ARSG: variants seen among roughly 807,000 people sequenced by gnomAD.
The protein encoded by ARSG is arylsulfatase G, also known as ASG.
Under a neutral mutation model 50.5 loss-of-function variants are expected in ARSG, and 37 were observed. The observed-to-expected ratio is 0.73, with a 90% CI of 0.56 to 0.96. The LOEUF is 0.96. Ranked by LOEUF, ARSG falls within the 50% of genes least tolerant of loss-of-function variation. The pLI is 0.00. For synonymous variants in ARSG, 225 were observed against 254.6 expected (o/e 0.88, Z 1.11); for missense variants, 629 against 675.3 (o/e 0.93, Z 0.76).
chr17:68,358,524 A>G (rs1199315044), intron 6 of ARSG, among the ~76,000 whole-genome samples: 3 of 151,994 alleles, frequency 2.0e-5, no homozygotes, highest in Non-Finnish European at 1.5e-5. Context: ...CCCTGTGTCT[A>G]CTAAAAATAC....
intron 2 of ARSG, among the ~76,000 whole-genome samples, chr17:68,308,626 G>A (rs964854744): frequency 2.0e-5 from 3 of 152,214 alleles, no homozygotes; most frequent in Non-Finnish European, 4.4e-5. Context: ...GACCTGAGCG[G>A]GTTGCCACTG....
intron 1 of ARSG, among the ~76,000 whole-genome samples, chr17:68,299,060 C>T (rs1352279410): frequency 1.3e-5 from 2 of 150,842 alleles, no homozygotes; most frequent in African/African-American, 4.9e-5. Context: ...GAGAAAGTTT[C>T]CTATTCTCAT....
At chr17:68,369,472 G>A (rs969919167) in intron 7 of ARSG, among the ~76,000 whole-genome samples, 3 of 152,058 alleles carry the variant, frequency 2.0e-5, no homozygotes, top group Non-Finnish European at 4.4e-5. Flanking sequence ...CCTGGGAGGC[G>A]GAGGTTGCAG....
chr17:68,263,014 C>T (rs556173246), intron 1 of ARSG, among the ~76,000 whole-genome samples: 16 of 152,216 alleles, frequency 1.1e-4, no homozygotes, highest in Non-Finnish European at 2.2e-4. Flanking sequence ...CGTGCTTGTT[C>T]TTGAGTTGCT....
chr17:68,326,250 C>G (rs971475090), intron 2 of ARSG, among the ~76,000 whole-genome samples: 3 of 152,162 alleles, frequency 2.0e-5, no homozygotes, highest in Non-Finnish European at 4.4e-5. Flanking sequence ...CCCCAGGAGG[C>G]GAAATGAGAG....
At chr17:68,429,893 G>A in the ARSG span, 1 of 1,552,072 alleles carries the variant, frequency 6.4e-7, no homozygotes, top group East Asian at 2.3e-5. Context: ...CCAGCCTGGG[G>A]CAAGTTTTCT....
intron 2 of ARSG, among the ~76,000 whole-genome samples, chr17:68,329,071 A>G (rs1273799127): frequency 7.2e-5 from 11 of 152,218 alleles, no homozygotes; most frequent in Non-Finnish European, 1.2e-4. Context: ...ACAAACTCGA[A>G]CAGTGCTGCT....
At chr17:68,327,715 C>T (rs1285544850) in intron 2 of ARSG, among the ~76,000 whole-genome samples, 2 of 152,182 alleles carry the variant, frequency 1.3e-5, no homozygotes, top group African/African-American at 2.4e-5. Context: ...AGGACTTCAA[C>T]ATATCTTTTG....
intron 1 of ARSG, among the ~76,000 whole-genome samples, chr17:68,284,703 C>T (rs1467708025): frequency 6.6e-6 from 1 of 152,166 alleles, no homozygotes; most frequent in Non-Finnish European, 1.5e-5. Context: ...TATCATTCAT[C>T]CTACTGATAG....
At chr17:68,324,591 A>G (rs1405085546) in intron 2 of ARSG, among the ~76,000 whole-genome samples, 6 of 152,146 alleles carry the variant, frequency 3.9e-5, no homozygotes, top group African/African-American at 1.2e-4. Flanking sequence ...AGTCTTCAAT[A>G]TGGCACCGTG....
intron 2 of ARSG, among the ~76,000 whole-genome samples, chr17:68,325,969 C>T (rs2077486752): frequency 6.6e-6 from 1 of 152,148 alleles, no homozygotes; most frequent in Non-Finnish European, 1.5e-5. Flanking sequence ...TGGGACATTA[C>T]ATGGGAAACT....
rs542026069 is a variant in ARSG at position 68,356,112 on chromosome 17, C to T, written c.567-555C>T. 4.1e-3 allele frequency among the ~76,000 whole-genome samples: 632 copies of T among 152,318 alleles called. 4 individuals are homozygous for T. Among genetic ancestry groups the T allele is most frequent in the Non-Finnish European group, 6.9e-3 (471 of 68,036 alleles). On this transcript the variant is annotated intron_variant, in intron 5 of 11. Transcript: ENST00000621439. ...GGCCAGGCTGGTCTCGAACTCCTGA[C>T]CTCAAGTGATCTGCTGGCCTCGGTC...
chr17:68,352,120 G>A (rs1599841080), intron 5 of ARSG, among the ~76,000 whole-genome samples: 2 of 38,110 alleles, frequency 5.2e-5, no homozygotes, highest in East Asian at 3.6e-4. Flanking sequence ...AGAGACAGAG[G>A]AGAGAGAGAG....
downstream of ARSG, among the ~76,000 whole-genome samples, chr17:68,425,308 A>G (rs1455533566): frequency 6.6e-6 from 1 of 151,456 alleles, no homozygotes; most frequent in East Asian, 1.9e-4. Flanking sequence ...GGCTCAGGTG[A>G]TCCTCCCATC....
At chr17:68,433,652 A>G in the ARSG span, 2 of 1,221,164 alleles carry the variant, frequency 1.6e-6, no homozygotes, top group East Asian at 2.6e-5. Context: ...GATCAGCTTT[A>G]TAAGAAAATC....
intron 1 of ARSG, among the ~76,000 whole-genome samples, chr17:68,263,425 A>T (rs1469033145): frequency 1.3e-5 from 2 of 152,246 alleles, no homozygotes; most frequent in Non-Finnish European, 2.9e-5. Flanking sequence ...TGCGTGTAAC[A>T]TGTCTGAATT....
At chr17:68,344,392 T>C (rs966901616) in intron 3 of ARSG, among the ~76,000 whole-genome samples, 3 of 152,372 alleles carry the variant, frequency 2.0e-5, no homozygotes, top group African/African-American at 7.2e-5. Flanking sequence ...GCAGGATACA[T>C]GGGGACATGG....
At chr17:68,355,250 GC>G in intron 5 of ARSG, among the ~76,000 whole-genome samples, 1 of 152,224 alleles carries the variant, frequency 6.6e-6, no homozygotes, top group African/African-American at 2.4e-5. Context: ...AACTCTGGGA[GC>G]TTAAGTAACT....
In ARSG at chr17:68,307,679, CA is replaced by C; in HGVS notation, c.188del (p.Asn63ThrfsTer10). 2 of 1,601,490 alleles carry C rather than the reference CA, an allele frequency of 1.2e-6. No homozygotes were observed. The highest frequency in any genetic ancestry group is 1.1e-5 in the South Asian group (1 of 90,798). ...ACTGGGCAGAAACAAAGGACACTGC[CA>C]ACCTTGATAAGATGGCTTCGGAGGG... ...ANWAETKDTA[N>X]LDKMASEGMR... On this transcript the variant is annotated frameshift_variant, in exon 2 of 12. Transcript: ENST00000621439. LOFTEE classifies it high-confidence loss of function.
Sources: gnomAD v4.1 joint callset for allele counts (sites outside exome capture counted in the v4.1 genomes callset) on GRCh38, gnomAD v4.1.1 for gene constraint, MANE v1.5 for transcripts, NCBI Gene and HGNC (gene_info 2026-07-23, HGNC 2026-07-21) for gene names.